Variants in FAM120B observed in about 807,000 individuals in gnomAD.
The protein encoded by FAM120B is constitutive coactivator of peroxisome proliferator-activated receptor gamma.
Under a neutral mutation model 96.3 loss-of-function variants are expected in FAM120B, and 83 were observed. The observed-to-expected ratio is 0.86, with a 90% confidence interval of 0.72 to 1.03. FAM120B has a LOEUF of 1.03. Among genes scored for constraint, FAM120B ranks in the 50% least tolerant of loss-of-function variants. FAM120B has a pLI of 0.00. For missense variants in FAM120B, 1,027 were observed against 1,121.2 expected (o/e 0.92, Z 1.20); for synonymous variants, 407 against 402.7 (o/e 1.01, Z -0.13).
intron 4 of FAM120B, among the ~76,000 whole-genome samples, chr6:170,334,329 A>G (rs528950471): frequency 9.9e-5 from 15 of 152,194 alleles, no homozygotes; most frequent in Admixed American, 3.3e-4. Flanking sequence ...TTAGAAGACT[A>G]TTTTACAAAA....
At chr6:170,374,925 A>T (rs1194022893) in intron 6 of FAM120B, among the ~76,000 whole-genome samples, 1 of 152,174 alleles carries the variant, frequency 6.6e-6, no homozygotes, top group African/African-American at 2.4e-5. Flanking sequence ...TAATTTCTTG[A>T]GGATAGGACT....
rs990948879 is a variant in FAM120B, at chr6:170,405,830, C to T, written c.*1079C>T. ...CGTTTCATTTTGCCAGGGCCTGGCTCAGGATTTTTTATGGCAGTGCCTGTG... is the reference window on the plus strand; with the variant it reads ...CGTTTCATTTTGCCAGGGCCTGGCTTAGGATTTTTTATGGCAGTGCCTGTG... On this transcript the variant is annotated 3_prime_UTR_variant, in exon 11 of 11. Transcript: ENST00000476287. 1 of 152,146 alleles carries T rather than the reference C, an allele frequency of 6.6e-6. No individual in the cohort carries two copies. The highest frequency in any genetic ancestry group is 1.5e-5 in the Non-Finnish European group (1 of 68,042). The allele number at this position is 152,146 out of a possible 1,614,324, so 9.4% of individuals were successfully genotyped here. A position where few individuals can be genotyped will look rare whatever the true frequency, so the allele number is the denominator to read the frequency against.
chr6:170,323,005 C>T, intron 2 of FAM120B, 74 bp from the exon 3 acceptor site: 1 of 1,272,104 alleles, frequency 7.9e-7, no homozygotes, highest in Non-Finnish European at 1.1e-6. Flanking sequence ...TGATGAAAGG[C>T]ATTGACTTTT....
intron 6 of FAM120B, among the ~76,000 whole-genome samples, chr6:170,371,237 A>G (rs1382310708): frequency 6.6e-6 from 1 of 151,910 alleles, no homozygotes; most frequent in Non-Finnish European, 1.5e-5. Context: ...TAAACATGAC[A>G]TCGCACAGTT....
In FAM120B at chr6:170,406,142, T is replaced by C. The variant is rs1778794610; in HGVS notation, c.*1391T>C. On this transcript the variant is annotated 3_prime_UTR_variant, in exon 11 of 11. Transcript: ENST00000476287. ...GGAAAAGGAATGGCCAGGGTATTGATGATGGAAAAGATTCAAATGAGGAGT... is the reference window on the plus strand; with the variant it reads ...GGAAAAGGAATGGCCAGGGTATTGACGATGGAAAAGATTCAAATGAGGAGT... 6.6e-6 allele frequency: 1 copy of C among 152,240 alleles called. No individual in the cohort carries two copies. The highest frequency in any genetic ancestry group is 2.1e-4 in the South Asian group (1 of 4,834). The allele number at this position is 152,240 out of a possible 1,614,324, so 9.4% of individuals were successfully genotyped here.
chr6:170,379,768 A>G (rs985945747), intron 6 of FAM120B, among the ~76,000 whole-genome samples: 3 of 152,200 alleles, frequency 2.0e-5, no homozygotes, highest in Non-Finnish European at 4.4e-5. Context: ...AGGCTTCCTC[A>G]GGCTGCCATA....
chr6:170,360,981 G>A (rs1024881346), intron 6 of FAM120B, among the ~76,000 whole-genome samples: 4 of 151,758 alleles, frequency 2.6e-5, no homozygotes, highest in South Asian at 2.1e-4. Flanking sequence ...CGTTGCAGTC[G>A]TATTGCATTG....
Position 170,370,399 on chromosome 6 carries a change from G to T in FAM120B, c.2283+12081G>T, listed in dbSNP as rs1243455209. On this transcript the variant is annotated intron_variant, in intron 6 of 10. Coordinates refer to ENST00000476287, the MANE Select transcript of FAM120B (RefSeq NM_032448.3). The surrounding 1 kb of genome is among the most constrained non-coding windows in gnomAD (Gnocchi z 4.3). ...CCTGAGGGTCCATCACCCTTCCTCT[G>T]GGGGGTGAGGCAGAGGACCCTGTTT... 3.3e-5 allele frequency among the ~76,000 whole-genome samples: 5 copies of T among 152,186 alleles called. No individual in the cohort carries two copies. Among genetic ancestry groups the T allele is most frequent in the Non-Finnish European group, 5.9e-5 (4 of 68,024 alleles).
Position 170,317,370 on chromosome 6 carries a change from A to T in FAM120B, c.-21A>T, listed in dbSNP as rs570876280. The stretch of plus-strand genomic sequence containing the variant: ...CTGATTAATTTATCTTTCTTTCCAG[A>T]TCCTTTCCCGGAGTTCAGTTATGGG... On this transcript the variant is annotated splice_region_variant and 5_prime_UTR_variant, in exon 2 of 11. Coordinates refer to ENST00000476287, the MANE Select transcript of FAM120B (RefSeq NM_032448.3). 9 of 1,593,900 alleles carry T rather than the reference A, an allele frequency of 5.6e-6. No individual in the cohort carries two copies. The South Asian group carries it at 7.8e-5, about 14-fold the overall frequency.
chr6:170,393,299 G>A (rs906905614), intron 8 of FAM120B, among the ~76,000 whole-genome samples: 2 of 152,212 alleles, frequency 1.3e-5, no homozygotes, highest in Non-Finnish European at 2.9e-5. Context: ...AGGCGTGGCG[G>A]TTGTCAGGCC....
At position 170,330,539 on chromosome 6, in the gene FAM120B, TG is replaced by T. The variant is rs1785948875; in HGVS notation, c.2007del (p.Met669IlefsTer10). ...CCGGACCTCGTCAGGCCGCTGCAGA[TG>T]ACCATTCCAGGTACAGGCAGCCTTT... ...RHPDLVRPLQ[M>X]TIPGGTPSLK... On this transcript the variant is annotated frameshift_variant, in exon 4 of 11. Transcript: ENST00000476287. LOFTEE classifies it high-confidence loss of function. The T allele has an allele frequency of 6.2e-7, 1 of 1,613,824 alleles. No individual in the cohort carries two copies. Among genetic ancestry groups the T allele is most frequent in the East Asian group, 2.2e-5 (1 of 44,888 alleles).
intron 6 of FAM120B, among the ~76,000 whole-genome samples, chr6:170,359,620 G>A (rs1788208064): frequency 6.6e-6 from 1 of 151,978 alleles, no homozygotes; most frequent in Non-Finnish European, 1.5e-5. Flanking sequence ...ATGTGTGTGT[G>A]TGGAGACGAC....
At position 170,363,991 on chromosome 6, in the gene FAM120B, C is replaced by T. The variant is rs1240194089; in HGVS notation, c.2283+5673C>T. On this transcript the variant is annotated intron_variant, in intron 6 of 10. Coordinates refer to ENST00000476287, the MANE Select transcript of FAM120B (RefSeq NM_032448.3). The surrounding 1 kb of genome is among the most constrained non-coding windows in gnomAD (Gnocchi z 4.5). ...TCAGTGATGGGCCTGCATCAGCCTC[C>T]CACAGTGCTGGGATTACAGTCATGA... Among the ~76,000 whole-genome samples the T allele has an allele frequency of 1.3e-5, 2 of 152,160 alleles. No homozygotes were observed. The highest frequency in any genetic ancestry group is 4.1e-4 in the South Asian group (2 of 4,826).
chr6:170,302,551 T>G (rs536945858), upstream of FAM120B, among the ~76,000 whole-genome samples: 3 of 152,228 alleles, frequency 2.0e-5, no homozygotes, highest in Admixed American at 1.3e-4. Context: ...AAGGGTCAAC[T>G]TGTTACCAAG....
chr6:170,327,717 C>T (rs1349742781), intron 3 of FAM120B, among the ~76,000 whole-genome samples: 8 of 150,826 alleles, frequency 5.3e-5, no homozygotes, highest in Non-Finnish European at 1.2e-4. Flanking sequence ...TTTATACACA[C>T]TGCACATGCA....
chr6:170,396,988 C>T (rs1778210675), intron 9 of FAM120B, among the ~76,000 whole-genome samples: 1 of 152,234 alleles, frequency 6.6e-6, no homozygotes, highest in Non-Finnish European at 1.5e-5. Context: ...TTCCAGTTAG[C>T]TTCTCCACCC....
intron 5 of FAM120B, among the ~76,000 whole-genome samples, chr6:170,351,261 G>A (rs1477956972): frequency 6.6e-6 from 1 of 152,132 alleles, no homozygotes; most frequent in African/African-American, 2.4e-5. Flanking sequence ...AGAATTAAAA[G>A]GAATGAACAA....
rs1175276624 is a variant in FAM120B at position 170,348,184 on chromosome 6, A to G, written c.2051A>G (p.Asn684Ser). ...CCTAGTTTGAAAATATTATGGCTGA[A>G]CCAAGAGCCAGAAATACAGGTTCGG... ...GTPSLKILWL[N>S]QEPEIQVRRL... The change falls in exon 5 of 11, where the codon AAC becomes AGC. Residue 684 changes from asparagine to serine, a missense_variant. Around this residue, in one of 3 missense-constraint regions of FAM120B, gnomAD observed 880 missense variants for 980.9 expected, o/e 0.90. Coordinates refer to ENST00000476287, the MANE Select transcript of FAM120B (RefSeq NM_032448.3). 3.7e-6 allele frequency: 6 copies of G among 1,613,932 alleles called. No homozygotes were observed. Among genetic ancestry groups the G allele is most frequent in the Non-Finnish European group, 5.1e-6 (6 of 1,180,000 alleles).
At chr6:170,355,442 T>C (rs76726000) in intron 5 of FAM120B, among the ~76,000 whole-genome samples, 4 of 152,140 alleles carry the variant, frequency 2.6e-5, no homozygotes, top group African/African-American at 4.8e-5. Flanking sequence ...TGGAGGTCAT[T>C]ATCCTCAGCA....
Sources: allele counts gnomAD v4.1 joint callset (sites outside exome capture counted in the v4.1 genomes callset), GRCh38; gene constraint gnomAD v4.1.1; regional missense constraint gnomAD v4.1.1; non-coding constraint Gnocchi (gnomAD v3.1); transcripts MANE v1.5; gene names NCBI Gene and HGNC (gene_info 2026-07-23, HGNC 2026-07-21).